The following AGBL1 variants were observed in gnomAD, a reference collection of about 807,000 sequenced individuals.
AGBL1 encodes the protein cytosolic carboxypeptidase 4.
Under a neutral mutation model 118.9 loss-of-function variants are expected in AGBL1, and 130 were observed. The ratio of observed to expected loss-of-function variants is 1.09; its 90% CI spans 0.95 to 1.26. The LOEUF (loss-of-function observed/expected upper bound fraction) is 1.26, where lower values mean the gene tolerates loss of function less well. Among genes scored for constraint, AGBL1 ranks in the 50% most tolerant of loss-of-function variants. The pLI is 0.00. For synonymous variants in AGBL1, 555 were observed against 478.9 expected (o/e 1.16, Z -2.08); for missense variants, 1,584 against 1,298.1 (o/e 1.22, Z -3.38).
chr15:86,560,502 G>A (rs909830758), intron 21 of AGBL1, among the ~76,000 whole-genome samples: 2 of 152,120 alleles, frequency 1.3e-5, no homozygotes, highest in African/African-American at 4.8e-5. Flanking sequence ...GTATTCCTTG[G>A]TGTATATGTG....
Position 86,295,264 on chromosome 15 carries a change from G to T in AGBL1, c.2230G>T (p.Asp744Tyr). The change falls in exon 17 of 23, where the codon GAC becomes TAC. Residue 744 changes from aspartate (D) to tyrosine (Y), a missense_variant. Transcript: ENST00000614907. ...TTTATTTCTGCTCCAGACTCATCTT[G>T]ACATCCTGGAAAAGAGTGTCAACCT... The part of the protein sequence containing the change: ...YTYTALMTHL[D>Y]ILEKSVNLKE... 2 of 1,613,490 alleles carry T rather than the reference G, an allele frequency of 1.2e-6. No homozygotes were observed. Among genetic ancestry groups the T allele is most frequent in the South Asian group, 2.2e-5 (2 of 91,044 alleles).
intron 23 of AGBL1, among the ~76,000 whole-genome samples, chr15:86,969,798 C>A (rs1567265450): frequency 6.6e-6 from 1 of 151,792 alleles, no homozygotes; most frequent in Admixed American, 6.6e-5. Context: ...TCTCATTGAA[C>A]CTACAGTGGG....
chr15:86,673,184 A>T (rs1455661215), intron 21 of AGBL1, among the ~76,000 whole-genome samples: 1 of 152,208 alleles, frequency 6.6e-6, no homozygotes, highest in Non-Finnish European at 1.5e-5. Flanking sequence ...CTTTATAGGA[A>T]GAGAGAAAGA....
intron 22 of AGBL1, among the ~76,000 whole-genome samples, chr15:86,831,314 C>G (rs1397106516): frequency 2.0e-5 from 3 of 152,198 alleles, no homozygotes; most frequent in Non-Finnish European, 2.9e-5. Context: ...GATGCCTTCT[C>G]AACAGTTCCT....
chr15:86,214,141 G>A (rs1038490037), intron 5 of AGBL1, among the ~76,000 whole-genome samples: 6 of 152,178 alleles, frequency 3.9e-5, no homozygotes, highest in Non-Finnish European at 8.8e-5. Context: ...ATAACAGTCA[G>A]GTTTGTCTTC....
chr15:86,733,706 G>C (rs2077557548), intron 22 of AGBL1, among the ~76,000 whole-genome samples: 1 of 152,134 alleles, frequency 6.6e-6, no homozygotes, highest in Admixed American at 6.6e-5. Flanking sequence ...CTTATGAGGA[G>C]CTATCATTAG....
At chr15:86,539,070 G>T (rs1028763942) in intron 19 of AGBL1, among the ~76,000 whole-genome samples, 21 of 136,258 alleles carry the variant, frequency 1.5e-4, no homozygotes, top group South Asian at 2.4e-4. Flanking sequence ...AAGGTCCTAG[G>T]AAGATGCATA....
intron 17 of AGBL1, among the ~76,000 whole-genome samples, chr15:86,348,229 TA>T (rs1178574827): frequency 1.3e-5 from 2 of 151,318 alleles, no homozygotes; most frequent in African/African-American, 4.9e-5. Flanking sequence ...AAGGAGGAAA[TA>T]AAAAACAGAA....
chr15:86,766,756 C>T (rs1295200157), intron 22 of AGBL1, among the ~76,000 whole-genome samples: 1 of 151,880 alleles, frequency 6.6e-6, no homozygotes, highest in Non-Finnish European at 1.5e-5. Context: ...AAAATCTGGT[C>T]ATTTGGGCCT....
At chr15:86,807,085 A>G (rs1567182935) in intron 22 of AGBL1, among the ~76,000 whole-genome samples, 1 of 152,160 alleles carries the variant, frequency 6.6e-6, no homozygotes, top group Non-Finnish European at 1.5e-5. Flanking sequence ...TAATTGTGGA[A>G]CTGTGACAAA....
chr15:86,281,840 T>G (rs987188379), intron 16 of AGBL1, among the ~76,000 whole-genome samples: 1 of 152,152 alleles, frequency 6.6e-6, no homozygotes, highest in Non-Finnish European at 1.5e-5. Context: ...TATGAGTCCA[T>G]GTAGTCATCA....
Position 86,617,369 on chromosome 15 carries a change from C to T in AGBL1, c.2995-56904C>T, listed in dbSNP as rs185531859. ...ATGAGATTGGAAAGAACTGCCCAAA[C>T]TGGCTTTCTTCCATTCAGTAGGAGA... On this transcript the variant is annotated intron_variant, in intron 21 of 22. Coordinates refer to ENST00000614907, the MANE Select transcript of AGBL1 (RefSeq NM_001386094.1). Among the ~76,000 whole-genome samples, 13 of 152,308 alleles carry T rather than the reference C, an allele frequency of 8.5e-5. No homozygotes were observed. In the East Asian group the frequency reaches 1.9e-3, roughly 23 times the overall value.
At chr15:86,132,373 G>A (rs575804299) in intron 1 of AGBL1, among the ~76,000 whole-genome samples, 29 of 152,298 alleles carry the variant, frequency 1.9e-4, no homozygotes, top group South Asian at 1.2e-3. Flanking sequence ...GGTAGCAAGT[G>A]GCAGCTGCTG....
chr15:86,946,843 C>CAAAAAA (rs11355715), intron 23 of AGBL1, among the ~76,000 whole-genome samples: 1 of 100,136 alleles, frequency 1.0e-5, no homozygotes, highest in Non-Finnish European at 1.9e-5. Flanking sequence ...AAACTCGGTC[C>CAAAAAA]AAAAAAAAAA....
intron 21 of AGBL1, among the ~76,000 whole-genome samples, chr15:86,590,976 A>C (rs1229983400): frequency 6.6e-6 from 1 of 152,216 alleles, no homozygotes; most frequent in Non-Finnish European, 1.5e-5. Context: ...AACTTTTCTC[A>C]GTTGTCCCAA....
In AGBL1 at chr15:86,196,639, T is replaced by A. The variant is rs182963685; in HGVS notation, c.489-28275T>A. 7.2e-5 allele frequency among the ~76,000 whole-genome samples: 11 copies of A among 152,178 alleles called. No homozygotes were observed. The East Asian group carries it at 1.7e-3, about 24-fold the overall frequency. ...GTGTCAAGTAGATCACTAACAACGTTTTCTAAAGAAATACACTGCTATGGA... is the reference window on the plus strand; with the variant it reads ...GTGTCAAGTAGATCACTAACAACGTATTCTAAAGAAATACACTGCTATGGA... On this transcript the variant is annotated intron_variant, in intron 5 of 22. Transcript: ENST00000614907.
chr15:86,866,516 A>G (rs182066293), intron 22 of AGBL1, among the ~76,000 whole-genome samples: 56 of 152,300 alleles, frequency 3.7e-4, no homozygotes, highest in Non-Finnish European at 6.8e-4. Context: ...ACTCTTTCCC[A>G]AAGGAGGCAT....
chr15:86,264,753 A>T lies in AGBL1; in HGVS notation c.1582A>T (p.Lys528Ter), dbSNP rs1159401692. 2 of 1,613,936 alleles carry T rather than the reference A, an allele frequency of 1.2e-6. No homozygotes were observed. Among genetic ancestry groups the T allele is most frequent in the Middle Eastern group, 1.6e-4 (1 of 6,084 alleles). ...AAGAACCAGCTCTGTGGTGGACTTC[A>T]AGATGATGGCATTTCCTGATGTCTG... Reference protein sequence around the residue: ...ARRTSSVVDFKMMAFPDVWGH... With the variant: ...ARRTSSVVDF The change falls in exon 11 of 23, where the codon AAG becomes TAG. Residue 528 changes from lysine to a stop codon, truncating the protein, a stop_gained. Transcript: ENST00000614907. LOFTEE classifies it high-confidence loss of function.
chr15:86,612,571 G>T (rs953216316), intron 21 of AGBL1, among the ~76,000 whole-genome samples: 2 of 152,012 alleles, frequency 1.3e-5, no homozygotes, highest in Non-Finnish European at 2.9e-5. Context: ...AGAAAATACC[G>T]AATTCCAACC....
Sources: allele counts gnomAD v4.1 joint callset (sites outside exome capture counted in the v4.1 genomes callset), GRCh38; gene constraint gnomAD v4.1.1; transcripts MANE v1.5; gene names NCBI Gene and HGNC (gene_info 2026-07-23, HGNC 2026-07-21).